The following PEAK1 variants were observed in gnomAD, a reference collection of about 807,000 sequenced individuals.
PEAK1 encodes pseudopodium enriched atypical kinase 1, also known as inactive tyrosine-protein kinase PEAK1.
Under a neutral mutation model 124.7 loss-of-function variants are expected in PEAK1, and 54 were observed. The observed-to-expected ratio is 0.43, with a 90% CI of 0.35 to 0.54. The LOEUF (loss-of-function observed/expected upper bound fraction) is 0.54, where lower values mean the gene tolerates loss of function less well. Ranked by LOEUF, PEAK1 falls within the 20% of genes least tolerant of loss-of-function variation. The pLI is 0.01. For missense variants in PEAK1, 2,046 were observed against 2,134.5 expected (o/e 0.96, Z 0.82); for synonymous variants, 719 against 760.0 (o/e 0.95, Z 0.89).
chr15:77,275,029 A>T (rs1450766282), intron 5 of PEAK1, among the ~76,000 whole-genome samples: 1 of 152,212 alleles, frequency 6.6e-6, no homozygotes, highest in East Asian at 1.9e-4. Flanking sequence ...CCTAGATGGA[A>T]CTGGAGACCA....
intron 2 of PEAK1, among the ~76,000 whole-genome samples, chr15:77,342,819 C>A (rs1348282471): frequency 2.0e-5 from 3 of 152,060 alleles, no homozygotes; most frequent in African/African-American, 7.2e-5. Context: ...AAATAATATC[C>A]CACTGTATGT....
In PEAK1 at chr15:77,349,627, A is replaced by G. The variant is rs537457280; in HGVS notation, c.-603+15536T>C. On this transcript the variant is annotated intron_variant, in intron 2 of 9. Coordinates refer to ENST00000682557, the MANE Select transcript of PEAK1 (RefSeq NM_001385026.1). The stretch of plus-strand genomic sequence containing the variant: ...ATGATACTGAATCCATGTTTCTATC[A>G]TTAATGACTCTAATATTCACGTACT... 25 of 984,984 alleles carry G rather than the reference A, an allele frequency of 2.5e-5. No individual in the cohort carries two copies. The African/African-American group carries it at 3.8e-4, about 15-fold the overall frequency. The allele number at this position is 984,984 out of a possible 1,614,324, so 61.0% of individuals were successfully genotyped here.
intron 7 of PEAK1, among the ~76,000 whole-genome samples, chr15:77,171,024 G>A (rs527303112): frequency 2.6e-5 from 4 of 152,198 alleles, no homozygotes; most frequent in Admixed American, 6.5e-5. Context: ...CTGGGTACAC[G>A]TTCTTGAACT....
At chr15:77,146,422 C>T (rs553085911) in intron 8 of PEAK1, among the ~76,000 whole-genome samples, 26 of 152,268 alleles carry the variant, frequency 1.7e-4, no homozygotes, top group African/African-American at 5.8e-4. Flanking sequence ...GAATGTCAGT[C>T]GTATAGCAGC....
chr15:77,295,567 C>T (rs1237716291), intron 2 of PEAK1, among the ~76,000 whole-genome samples: 2 of 152,114 alleles, frequency 1.3e-5, no homozygotes, highest in African/African-American at 2.4e-5. Flanking sequence ...ATGTAGGTTA[C>T]CATGGAATTA....
intron 5 of PEAK1, among the ~76,000 whole-genome samples, chr15:77,260,335 T>C (rs1425225579): frequency 6.6e-6 from 1 of 152,142 alleles, no homozygotes; most frequent in Non-Finnish European, 1.5e-5. Flanking sequence ...GACTCAAATA[T>C]TTAAATTCAT....
intron 1 of PEAK1, among the ~76,000 whole-genome samples, chr15:77,373,111 A>G (rs1033055895): frequency 6.6e-6 from 1 of 152,224 alleles, no homozygotes; most frequent in Non-Finnish European, 1.5e-5. Flanking sequence ...TGATCTTAAT[A>G]TGTATTTATC....
At chr15:77,311,208 A>G (rs2064417661) in intron 2 of PEAK1, among the ~76,000 whole-genome samples, 1 of 152,246 alleles carries the variant, frequency 6.6e-6, no homozygotes, top group Non-Finnish European at 1.5e-5. Context: ...GATAACTGCC[A>G]GAGTTATTAT....
intron 5 of PEAK1, among the ~76,000 whole-genome samples, chr15:77,268,713 T>C: frequency 6.6e-6 from 1 of 152,062 alleles, no homozygotes; most frequent in East Asian, 1.9e-4. Flanking sequence ...CACATAGTCA[T>C]CAGGTTATCT....
intron 8 of PEAK1, among the ~76,000 whole-genome samples, chr15:77,140,014 G>A (rs2053646993): frequency 6.6e-6 from 1 of 152,074 alleles, no homozygotes; most frequent in South Asian, 2.1e-4. Flanking sequence ...CTTCTTGAAT[G>A]AAGGAATAAA....
chr15:77,377,137 C>A (rs1231488264), intron 1 of PEAK1, among the ~76,000 whole-genome samples: 1 of 152,188 alleles, frequency 6.6e-6, no homozygotes, highest in African/African-American at 2.4e-5. Flanking sequence ...GTAATCCCAA[C>A]ACTTTGGGAG....
chr15:77,330,777 C>A (rs1386258222), intron 2 of PEAK1: 1 of 152,676 alleles, frequency 6.5e-6, no homozygotes. Flanking sequence ...TGCACCTTAT[C>A]ACCCTACTCT....
chr15:77,187,693 T>G (rs899671548), intron 6 of PEAK1, among the ~76,000 whole-genome samples: 3 of 152,182 alleles, frequency 2.0e-5, no homozygotes, highest in African/African-American at 7.2e-5. Context: ...CCACCATCTC[T>G]CTCCATAAAA....
intron 6 of PEAK1, among the ~76,000 whole-genome samples, chr15:77,216,521 T>C (rs2059155762): frequency 6.6e-6 from 1 of 152,226 alleles, no homozygotes; most frequent in African/African-American, 2.4e-5. Context: ...ACTGATGCCT[T>C]ATGAAAGTTT....
intron 6 of PEAK1, among the ~76,000 whole-genome samples, chr15:77,213,414 G>A (rs1331061824): frequency 2.0e-5 from 3 of 152,106 alleles, no homozygotes; most frequent in Non-Finnish European, 2.9e-5. Context: ...GATGGCAGCC[G>A]GACGCGGTGG....
At chr15:77,127,259 T>C (rs950306077) in intron 9 of PEAK1, among the ~76,000 whole-genome samples, 2 of 152,238 alleles carry the variant, frequency 1.3e-5, no homozygotes, top group African/African-American at 4.8e-5. Context: ...TGATCTTGGG[T>C]CTTCCAGCCT....
At chr15:77,267,162 A>C (rs1466838937) in intron 5 of PEAK1, among the ~76,000 whole-genome samples, 1 of 152,046 alleles carries the variant, frequency 6.6e-6, no homozygotes, top group East Asian at 1.9e-4. Context: ...TCTTCCTGGG[A>C]ACGTAATTGC....
At position 77,181,133 on chromosome 15, in the gene PEAK1, C is replaced by A. The variant is rs781120987; in HGVS notation, c.794G>T (p.Arg265Leu). 1 of 1,614,068 alleles carries A rather than the reference C, an allele frequency of 6.2e-7. No individual in the cohort carries two copies. Among genetic ancestry groups the A allele is most frequent in the African/African-American group, 1.3e-5 (1 of 74,942 alleles). The change falls in exon 7 of 10, where the codon CGC (arginine) becomes CTC (leucine). Residue 265 changes from arginine (R) to leucine (L), a missense_variant. Coordinates refer to ENST00000682557, the MANE Select transcript of PEAK1 (RefSeq NM_001385026.1). ...SDEELLAMEI[R>L]MRGQPRFANF... ...GGCAAAGCGAGGTTGCCCTCTCATG[C>A]GAATCTCCATGGCCAACAGCTCTTC...
intron 2 of PEAK1, chr15:77,351,972 GC>G: frequency 7.1e-6 from 7 of 983,450 alleles, no homozygotes; most frequent in Non-Finnish European, 8.5e-6. Flanking sequence ...TATAATACCA[GC>G]AATTTGGGAG....
Sources: allele counts gnomAD v4.1 joint callset (sites outside exome capture counted in the v4.1 genomes callset), GRCh38; gene constraint gnomAD v4.1.1; transcripts MANE v1.5; gene names NCBI Gene and HGNC (gene_info 2026-07-23, HGNC 2026-07-21).